The following PDE4B variants were observed in gnomAD, a reference collection of about 807,000 sequenced individuals.
PDE4B encodes phosphodiesterase 4B.
Under a neutral mutation model 82.2 loss-of-function variants are expected in PDE4B, and 20 were observed. That is an observed-to-expected ratio of 0.24 (90% CI 0.17 to 0.35). PDE4B has a LOEUF of 0.35. PDE4B is among the 10% of genes least tolerant of loss of function. The pLI is 1.00. For missense variants in PDE4B, 655 were observed against 907.2 expected (o/e 0.72, Z 3.57); for synonymous variants, 320 against 318.9 (o/e 1.00, Z -0.04).
chr1:66,177,833 T>A (rs1646965196), intron 3 of PDE4B, among the ~76,000 whole-genome samples: 2 of 152,174 alleles, frequency 1.3e-5, no homozygotes. Flanking sequence ...ATCATCATGG[T>A]TCAGTAAATA....
chr1:66,153,656 C>T (rs891622917), intron 3 of PDE4B, among the ~76,000 whole-genome samples: 1 of 152,242 alleles, frequency 6.6e-6, no homozygotes, highest in African/African-American at 2.4e-5. Flanking sequence ...ACTTTATAGC[C>T]CAGTGCGGAA....
At chr1:66,083,614 CCTT>C (rs1656853593) in intron 3 of PDE4B, among the ~76,000 whole-genome samples, 1 of 152,118 alleles carries the variant, frequency 6.6e-6, no homozygotes, top group African/African-American at 2.4e-5. Flanking sequence ...TCAAATTCCT[CCTT>C]CTTTTCACTG....
chr1:66,155,765 T>TA (rs1443232896), intron 3 of PDE4B, among the ~76,000 whole-genome samples: 2 of 152,198 alleles, frequency 1.3e-5, no homozygotes, highest in Non-Finnish European at 2.9e-5. Flanking sequence ...ACTTTCCTTC[T>TA]AACTTGCCCT....
intron 8 of PDE4B, among the ~76,000 whole-genome samples, chr1:66,347,971 A>G (rs905968185): frequency 6.6e-6 from 1 of 152,186 alleles, no homozygotes; most frequent in Non-Finnish European, 1.5e-5. Flanking sequence ...TGTTCTGTGT[A>G]ACTACTTTCA....
intron 3 of PDE4B, among the ~76,000 whole-genome samples, chr1:66,220,322 A>T (rs1570495753): frequency 6.6e-6 from 1 of 152,104 alleles, no homozygotes; most frequent in Non-Finnish European, 1.5e-5. Context: ...TTTAAGCTTC[A>T]CCTCCCTTCC....
At chr1:66,323,758 TG>T (rs1659571118) in intron 7 of PDE4B, among the ~76,000 whole-genome samples, 1 of 152,198 alleles carries the variant, frequency 6.6e-6, no homozygotes, top group African/African-American at 2.4e-5. Context: ...TAACATCTTA[TG>T]TAACAAAGTT....
intron 3 of PDE4B, among the ~76,000 whole-genome samples, chr1:65,967,880 G>A (rs1013278714): frequency 6.6e-6 from 1 of 152,098 alleles, no homozygotes; most frequent in East Asian, 1.9e-4. Flanking sequence ...GGGGTGAGGG[G>A]CTGGGGGAGA....
chr1:65,826,007 T>C (rs1646013382), intron 1 of PDE4B, among the ~76,000 whole-genome samples: 1 of 152,214 alleles, frequency 6.6e-6, no homozygotes, highest in African/African-American at 2.4e-5. Context: ...AGATATTCTG[T>C]ATTCAACGAC....
intron 3 of PDE4B, among the ~76,000 whole-genome samples, chr1:66,073,880 A>G (rs1456602821): frequency 6.7e-6 from 1 of 149,872 alleles, no homozygotes; most frequent in Non-Finnish European, 1.5e-5. Flanking sequence ...AAACCATATC[A>G]TAGAAGAAAA....
intron 3 of PDE4B, among the ~76,000 whole-genome samples, chr1:66,210,550 C>T (rs144625560): frequency 0.035 from 4,810 of 137,176 alleles, 132 homozygotes; most frequent in Middle Eastern, 0.1. Context: ...GAGCCAAGAT[C>T]GCACCACTGC....
intron 3 of PDE4B, among the ~76,000 whole-genome samples, chr1:66,230,786 G>A (rs1339216641): frequency 2.0e-5 from 3 of 152,120 alleles, no homozygotes; most frequent in Non-Finnish European, 2.9e-5. Context: ...TGTGGCTCAC[G>A]CCTGTAATCC....
At chr1:65,969,672 T>C (rs1650028733) in intron 3 of PDE4B, among the ~76,000 whole-genome samples, 1 of 152,200 alleles carries the variant, frequency 6.6e-6, no homozygotes, top group Non-Finnish European at 1.5e-5. Flanking sequence ...ACAATATTTG[T>C]AATGATATGT....
intron 3 of PDE4B, among the ~76,000 whole-genome samples, chr1:66,090,194 T>G (rs555993129): frequency 2.4e-4 from 36 of 152,022 alleles, no homozygotes; most frequent in African/African-American, 7.9e-4. Context: ...GCAAATGTAT[T>G]TGTAGAATAG....
chr1:65,911,341 C>T (rs1647088531), intron 1 of PDE4B, among the ~76,000 whole-genome samples: 2 of 152,110 alleles, frequency 1.3e-5, no homozygotes, highest in African/African-American at 4.8e-5. Context: ...CTTAGAAAAC[C>T]TTCTATAACC....
chr1:66,163,424 T>C (rs1459728518), intron 3 of PDE4B, among the ~76,000 whole-genome samples: 2 of 152,148 alleles, frequency 1.3e-5, no homozygotes, highest in Non-Finnish European at 2.9e-5. Context: ...TATAATAATG[T>C]ATAAAAGTAA....
chr1:66,271,372 A>ATCTC (rs1655461554), intron 7 of PDE4B, among the ~76,000 whole-genome samples: 1 of 152,182 alleles, frequency 6.6e-6, no homozygotes, highest in African/African-American at 2.4e-5. Flanking sequence ...TACTGCTGAG[A>ATCTC]AACAACATCC....
intron 3 of PDE4B, among the ~76,000 whole-genome samples, chr1:66,178,447 T>A (rs776637887): frequency 7.2e-5 from 11 of 152,178 alleles, no homozygotes; most frequent in Non-Finnish European, 1.3e-4. Flanking sequence ...TAAATACAAC[T>A]TTTATAATTA....
chr1:66,360,198 T>C (rs1302361807), intron 9 of PDE4B, among the ~76,000 whole-genome samples: 3 of 152,146 alleles, frequency 2.0e-5, no homozygotes, highest in Middle Eastern at 3.2e-3. Context: ...CCACTAAAAT[T>C]CCTTCCTAAG....
chr1:65,891,447 T>C (rs1646852208), intron 1 of PDE4B, among the ~76,000 whole-genome samples: 1 of 152,082 alleles, frequency 6.6e-6, no homozygotes, highest in Non-Finnish European at 1.5e-5. Context: ...AAAGTTATGG[T>C]ATAATTTTTT....
Sources: gnomAD v4.1 joint callset for allele counts (sites outside exome capture counted in the v4.1 genomes callset) on GRCh38, gnomAD v4.1.1 for gene constraint, MANE v1.5 for transcripts, NCBI Gene and HGNC (gene_info 2026-07-23, HGNC 2026-07-21) for gene names.